The following CFAP221 variants were observed in gnomAD, a reference collection of about 807,000 sequenced individuals.
The protein encoded by CFAP221 is cilia and flagella associated protein 221.
CFAP221 carries 97 observed loss-of-function variants against 113.1 expected under a neutral mutation model. The ratio of observed to expected loss-of-function variants is 0.86; its 90% CI spans 0.73 to 1.02. The LOEUF is 1.02. Ranked by LOEUF, CFAP221 falls within the 50% of genes least tolerant of loss-of-function variation. The probability of loss-of-function intolerance (pLI) is 0.00; values close to 1 mark genes in which losing one functional copy is unlikely to be tolerated. For missense variants in CFAP221, 1,025 were observed against 1,013.4 expected, an observed-to-expected ratio of 1.01 and a Z score of -0.16; for synonymous variants, 331 against 354.4, an observed-to-expected ratio of 0.93 and a Z score of 0.74.
downstream of CFAP221, among the ~76,000 whole-genome samples, chr2:119,659,174 C>T (rs1487741305): frequency 2.0e-5 from 3 of 152,092 alleles, no homozygotes; most frequent in East Asian, 1.9e-4. Flanking sequence ...TTGGTGTATC[C>T]GTAAAGTAAC....
At chr2:119,549,289 G>A (rs1185892177) in intron 3 of CFAP221, 104 bp downstream of exon 3, 3 of 893,628 alleles carry the variant, frequency 3.4e-6, no homozygotes, top group East Asian at 2.9e-5. Flanking sequence ...ATCAGCCGTA[G>A]TGCAAGAGTA....
downstream of CFAP221, among the ~76,000 whole-genome samples, chr2:119,659,179 A>G (rs1688540583): frequency 6.6e-6 from 1 of 152,152 alleles, no homozygotes; most frequent in African/African-American, 2.4e-5. Flanking sequence ...GTATCCGTAA[A>G]GTAACATCCC....
Position 119,656,385 on chromosome 2 carries a change from C to T in CFAP221, c.2438C>T (p.Pro813Leu). 2 of 1,613,984 alleles carry T rather than the reference C, an allele frequency of 1.2e-6. No homozygotes were observed. The highest frequency in any genetic ancestry group is 2.2e-5 in the South Asian group (2 of 91,078). Residue 813 changes from proline (P) to leucine (L), a missense_variant, in exon 24 of 24, where the codon CCA becomes CTA. Physicochemically the swap from Pro to Leu is moderately conservative, Grantham distance 98 (BLOSUM62 -3). Coordinates refer to ENST00000413369, the MANE Select transcript of CFAP221 (RefSeq NM_001271049.2). ...AGAGAAGTGAAAGATCAAGCACAAC[C>T]AGCAGAGAAGGCCGGAGAGAAGCTG... The part of the protein sequence containing the change: ...KEKEVKDQAQ[P>L]AEKAGEKLLE...
At chr2:119,587,479 G>T (rs180699819) in intron 7 of CFAP221, among the ~76,000 whole-genome samples, 1 of 152,248 alleles carries the variant, frequency 6.6e-6, no homozygotes, top group Non-Finnish European at 1.5e-5. Context: ...TTGGCTCCTG[G>T]TACATCCTTG....
chr2:119,617,122 A>G (rs1685580912), intron 14 of CFAP221, among the ~76,000 whole-genome samples: 1 of 152,216 alleles, frequency 6.6e-6, no homozygotes, highest in Non-Finnish European at 1.5e-5. Context: ...GATCAAATGA[A>G]TGAATATATA....
rs1482259113 is a variant in CFAP221 at position 119,549,137 on chromosome 2, A to G, written c.192A>G (p.Ile64Met). Reference sequence around the variant, plus strand: ...AGGTCATACAGGCAAGACCTGGCATAATACATTTTGGAGGCTATCAAGTAG... The same window carrying G: ...AGGTCATACAGGCAAGACCTGGCATGATACATTTTGGAGGCTATCAAGTAG... ...NNKVIQARPG[I>M]IHFGGYQVEK... Residue 64 changes from isoleucine to methionine, a missense_variant, in exon 3 of 24, where the codon ATA becomes ATG. By Grantham distance (10) the Ile-to-Met change is conservative (BLOSUM62 1). Coordinates refer to ENST00000413369, the MANE Select transcript of CFAP221 (RefSeq NM_001271049.2). 1 of 1,535,196 alleles carries G rather than the reference A, an allele frequency of 6.5e-7. No individual in the cohort carries two copies. Among genetic ancestry groups the G allele is most frequent in the African/African-American group, 1.4e-5 (1 of 73,014 alleles).
chr2:119,567,956 CT>C (rs562845638), intron 6 of CFAP221, among the ~76,000 whole-genome samples: 1 of 151,946 alleles, frequency 6.6e-6, no homozygotes, highest in East Asian at 1.9e-4. Context: ...TCTTTGTTTC[CT>C]TTTTTTAGTG....
At chr2:119,621,289 G>T (rs1294332862) in intron 14 of CFAP221, among the ~76,000 whole-genome samples, 1 of 150,276 alleles carries the variant, frequency 6.7e-6, no homozygotes, top group African/African-American at 2.4e-5. Flanking sequence ...AACCGACAAA[G>T]ATCAAAAAAG....
At chr2:119,574,142 C>A (rs371195688) in intron 6 of CFAP221, among the ~76,000 whole-genome samples, 18 of 152,216 alleles carry the variant, frequency 1.2e-4, no homozygotes, top group African/African-American at 4.3e-4. Flanking sequence ...ACTCTGCTCT[C>A]CTCCCCTAGA....
chr2:119,640,464 A>G (rs944046071), intron 21 of CFAP221, among the ~76,000 whole-genome samples: 2 of 152,216 alleles, frequency 1.3e-5, no homozygotes, highest in African/African-American at 4.8e-5. Context: ...ATAGCTCTTC[A>G]AAACCATAAG....
chr2:119,577,698 A>G (rs559887712), intron 6 of CFAP221, among the ~76,000 whole-genome samples: 1 of 152,190 alleles, frequency 6.6e-6, no homozygotes, highest in Non-Finnish European at 1.5e-5. Flanking sequence ...AGAGAGTTAG[A>G]TGACATATAA....
chr2:119,562,089 C>T lies in CFAP221; in HGVS notation c.502C>T (p.Leu168=). The change falls in exon 6 of 24, where the codon CTG becomes TTG. Residue 168 remains leucine, a synonymous_variant. Coordinates refer to ENST00000413369, the MANE Select transcript of CFAP221 (RefSeq NM_001271049.2). ...NSLDFPSFIN[L]SNVLLGESKT... ...ACTAGACTTTCCTTCATTTATAAAT[C>T]TGTCAAATGTTCTACTTGGTGAAAG... The T allele has an allele frequency of 6.5e-7, 1 of 1,534,468 alleles. No homozygotes were observed. Among genetic ancestry groups the T allele is most frequent in the Non-Finnish European group, 8.7e-7 (1 of 1,145,798 alleles).
At chr2:119,561,289 C>CA (rs1032698515) in intron 5 of CFAP221, among the ~76,000 whole-genome samples, 16 of 148,236 alleles carry the variant, frequency 1.1e-4, no homozygotes, top group Admixed American at 2.0e-4. Flanking sequence ...GACTCCATCT[C>CA]AAAAAAAAAT....
At chr2:119,595,348 G>A (rs989406699) in intron 7 of CFAP221, among the ~76,000 whole-genome samples, 3 of 152,222 alleles carry the variant, frequency 2.0e-5, no homozygotes, top group African/African-American at 7.2e-5. Context: ...TCAGTTTACA[G>A]GACTTGGTAG....
At chr2:119,589,620 T>C (rs1448448176) in intron 7 of CFAP221, 1 of 152,242 alleles carries the variant, frequency 6.6e-6, no homozygotes, top group Non-Finnish European at 1.5e-5. Context: ...AGAAGCATCA[T>C]CTACGCACAC....
chr2:119,640,789 C>T (rs1298672130), intron 21 of CFAP221, among the ~76,000 whole-genome samples: 2 of 152,186 alleles, frequency 1.3e-5, no homozygotes, highest in African/African-American at 4.8e-5. Flanking sequence ...AGCTCCCACT[C>T]GGGTAACCTG....
intron 19 of CFAP221, 159 bp downstream of exon 19, chr2:119,631,060 TGGA>T: frequency 7.3e-7 from 1 of 1,360,920 alleles, no homozygotes; most frequent in Non-Finnish European, 9.5e-7. Context: ...CTTTATTTTT[TGGA>T]GAATATCAGT....
At chr2:119,660,287 C>T (rs1467365522), downstream of CFAP221, 1 of 152,244 alleles carries the variant, frequency 6.6e-6, no homozygotes, top group East Asian at 1.9e-4. Flanking sequence ...CCCGTTTCCA[C>T]CAAATCGACT....
In CFAP221 at chr2:119,650,696, A is replaced by T. The variant is rs138486783; in HGVS notation, c.2319-1278A>T. On this transcript the variant is annotated intron_variant, in intron 22 of 23. Transcript: ENST00000413369. ...ATCCTTATGATGAGCTCTTATTATT[A>T]TGCCCACCTTTGAGACAAAGAAACT... Among the ~76,000 whole-genome samples, 395 of 152,372 alleles carry T rather than the reference A, an allele frequency of 2.6e-3. 2 individuals are homozygous for T. The highest frequency in any genetic ancestry group is 9.1e-3 in the African/African-American group (379 of 41,590).
Sources: gnomAD v4.1 joint callset for allele counts (sites outside exome capture counted in the v4.1 genomes callset) on GRCh38, gnomAD v4.1.1 for gene constraint, MANE v1.5 for transcripts, NCBI Gene and HGNC (gene_info 2026-07-23, HGNC 2026-07-21) for gene names.